SLC35F2: variants seen among roughly 807,000 people sequenced by gnomAD.
SLC35F2 encodes the protein solute carrier family 35 member F2, also known as queuine/queuosine transporter SLC35F2.
A neutral mutation model predicts 38.1 loss-of-function variants in SLC35F2; 25 were observed. That is an observed-to-expected ratio of 0.66 (90% CI 0.48 to 0.92). SLC35F2 has a LOEUF of 0.92. Ranked by LOEUF, SLC35F2 falls within the 40% of genes least tolerant of loss-of-function variation. SLC35F2 has a pLI of 0.00. For missense variants in SLC35F2, 409 were observed against 452.9 expected (o/e 0.90, Z 0.88); for synonymous variants, 173 against 181.7 (o/e 0.95, Z 0.38).
At chr11:107,820,127 A>G (rs146129149) in intron 1 of SLC35F2, among the ~76,000 whole-genome samples, 8,342 of 151,880 alleles carry the variant, frequency 0.055, 459 homozygotes, top group African/African-American at 0.14. Context: ...GTGGTGGTAC[A>G]CGCCTGTAAT....
chr11:107,802,213 G>T (rs1859318839), intron 7 of SLC35F2, among the ~76,000 whole-genome samples: 3 of 131,114 alleles, frequency 2.3e-5, no homozygotes, highest in Admixed American at 8.0e-5. Context: ...ACTCCAGCCT[G>T]GGCAACAGAG....
chr11:107,812,025 C>T lies in SLC35F2; in HGVS notation c.287-231G>A, dbSNP rs541959097. On this transcript the variant is annotated intron_variant, in intron 2 of 7. Transcript: ENST00000525815. ...CAAGCCATCCTCCCACCTCAGCCTC[C>T]TGAGTAGCTGGGACCACAGGCGTAC... Among the ~76,000 whole-genome samples the T allele has an allele frequency of 4.4e-4, 67 of 152,228 alleles. 1 individual carries two copies. In the South Asian group the frequency reaches 0.012, roughly 28 times the overall value.
intron 1 of SLC35F2, among the ~76,000 whole-genome samples, chr11:107,830,604 A>G (rs1007508683): frequency 6.7e-6 from 1 of 149,830 alleles, no homozygotes; most frequent in East Asian, 1.9e-4. Context: ...AAAAAAGAAA[A>G]GAAAAAAAAA....
rs1860342609 is a variant in SLC35F2 at position 107,858,784 on chromosome 11, C to T, written c.-17G>A. The T allele has an allele frequency of 8.0e-7, 1 of 1,251,578 alleles. No homozygotes were observed. Among genetic ancestry groups the T allele is most frequent in the African/African-American group, 1.5e-5 (1 of 64,862 alleles). The allele number at this position is 1,251,578 out of a possible 1,614,324, so 77.5% of individuals were successfully genotyped here. On this transcript the variant is annotated 5_prime_UTR_variant, in exon 1 of 8. Transcript: ENST00000525815. Reference sequence around the variant, plus strand: ...TGCCTCCATCGGCGCCCTTGCGCGTCTCCGGCGCCCAAAACCCCCGAAGTG... The same window carrying T: ...TGCCTCCATCGGCGCCCTTGCGCGTTTCCGGCGCCCAAAACCCCCGAAGTG...
At chr11:107,826,296 G>A (rs1859754342) in intron 1 of SLC35F2, among the ~76,000 whole-genome samples, 1 of 143,868 alleles carries the variant, frequency 7.0e-6, no homozygotes, top group Non-Finnish European at 1.5e-5. Context: ...TTTTTTTTGA[G>A]ATGCAGTTTT....
Position 107,792,570 on chromosome 11 carries a change from G to T in SLC35F2, c.*45C>A. ...CAAGTGTCCCCTCAGCAGGCAGCAG[G>T]CTCTGCTTTATCCTGGTGGGGGATG... On this transcript the variant is annotated 3_prime_UTR_variant, in exon 8 of 8. Transcript: ENST00000525815. 6.5e-7 allele frequency: 1 copy of T among 1,548,830 alleles called. No individual in the cohort carries two copies. Among genetic ancestry groups the T allele is most frequent in the Non-Finnish European group, 8.7e-7 (1 of 1,147,918 alleles).
chr11:107,841,760 C>T (rs1860015372), intron 1 of SLC35F2, among the ~76,000 whole-genome samples: 1 of 151,874 alleles, frequency 6.6e-6, no homozygotes, highest in East Asian at 1.9e-4. Flanking sequence ...TCAGTTGAGG[C>T]CAGAAGTTCA....
At chr11:107,845,826 A>C (rs1860096897) in intron 1 of SLC35F2, among the ~76,000 whole-genome samples, 1 of 151,734 alleles carries the variant, frequency 6.6e-6, no homozygotes, top group Non-Finnish European at 1.5e-5. Flanking sequence ...GGTGGTGTGC[A>C]CCTGTAATCC....
In SLC35F2 at chr11:107,811,675, T is replaced by A; in HGVS notation, c.406A>T (p.Ser136Cys). 6.2e-7 allele frequency: 1 copy of A among 1,610,286 alleles called. No homozygotes were observed. Among genetic ancestry groups the A allele is most frequent in the South Asian group, 1.1e-5 (1 of 90,328 alleles). The change falls in exon 3 of 8, where the codon AGT becomes TGT. Residue 136 changes from serine (S) to cysteine (C), a missense_variant. Ser to Cys is a moderately radical substitution (Grantham distance 112, BLOSUM62 -1). Coordinates refer to ENST00000525815, the MANE Select transcript of SLC35F2 (RefSeq NM_017515.5). ...VRAYQYTTLT[S>C]VQLLDCFGIP... Reference sequence around the variant, plus strand: ...AGAGGGCTCCCTCTTACCTGGACACTGGTTAGAGTTGTGTACTGGTAGGCT... The same window carrying A: ...AGAGGGCTCCCTCTTACCTGGACACAGGTTAGAGTTGTGTACTGGTAGGCT...
intron 7 of SLC35F2, among the ~76,000 whole-genome samples, chr11:107,801,549 A>T (rs1445091740): frequency 6.6e-6 from 1 of 152,152 alleles, no homozygotes; most frequent in Non-Finnish European, 1.5e-5. Flanking sequence ...TAATAGGTAT[A>T]AATGACTGGG....
At chr11:107,799,642 G>A (rs1289057622) in intron 7 of SLC35F2, among the ~76,000 whole-genome samples, 1 of 152,146 alleles carries the variant, frequency 6.6e-6, no homozygotes, top group Non-Finnish European at 1.5e-5. Context: ...CCAGGCTGGA[G>A]TGCAATGGCA....
intron 1 of SLC35F2, among the ~76,000 whole-genome samples, chr11:107,835,921 C>A (rs1859922871): frequency 2.0e-5 from 3 of 152,248 alleles, no homozygotes; most frequent in Admixed American, 6.6e-5. Context: ...ATCTGGGATT[C>A]ATGGAAAGCC....
intron 2 of SLC35F2, 97 bp downstream of exon 2, chr11:107,815,693 C>T (rs779447984): frequency 2.4e-5 from 32 of 1,339,132 alleles, no homozygotes; most frequent in Non-Finnish European, 3.1e-5. Flanking sequence ...CATAAGTCTC[C>T]AGTCACTACT....
chr11:107,842,358 AT>A (rs1277822752), intron 1 of SLC35F2, among the ~76,000 whole-genome samples: 1 of 149,624 alleles, frequency 6.7e-6, no homozygotes, highest in Admixed American at 6.7e-5. Context: ...AAAATTTTTA[AT>A]TTTTTTATTT....
At chr11:107,843,704 A>T (rs767293476) in intron 1 of SLC35F2, among the ~76,000 whole-genome samples, 231 of 151,554 alleles carry the variant, frequency 1.5e-3, no homozygotes, top group Non-Finnish European at 2.4e-3. Flanking sequence ...AAATTTTTTT[A>T]AAATTAGGTC....
intron 1 of SLC35F2, among the ~76,000 whole-genome samples, chr11:107,818,065 AAAAAAAAAAAGAAAG>A (rs1203122286): frequency 1.2e-4 from 16 of 134,076 alleles, no homozygotes; most frequent in African/African-American, 4.7e-4. Context: ...TCAAAAAAAA[AAAAAAAAAAAGAAAG>A]AAAGAAAGAA....
chr11:107,803,540 T>C, intron 6 of SLC35F2: 1 of 980,656 alleles, frequency 1.0e-6, no homozygotes. Context: ...TCATTATGTT[T>C]TCTTTGCTTT....
chr11:107,845,727 C>T (rs772958669), intron 1 of SLC35F2, among the ~76,000 whole-genome samples: 5 of 151,742 alleles, frequency 3.3e-5, no homozygotes, highest in East Asian at 3.9e-4. Context: ...CTAAGACAGG[C>T]GGATCACTTC....
intron 1 of SLC35F2, among the ~76,000 whole-genome samples, chr11:107,843,868 A>AAAAT (rs1860058583): frequency 8.5e-5 from 4 of 46,862 alleles, no homozygotes; most frequent in African/African-American, 1.8e-4. Flanking sequence ...AAAAAAAAAA[A>AAAAT]ATATATATAT....
Sources: allele counts gnomAD v4.1 joint callset (sites outside exome capture counted in the v4.1 genomes callset), GRCh38; gene constraint gnomAD v4.1.1; transcripts MANE v1.5; gene names NCBI Gene and HGNC (gene_info 2026-07-23, HGNC 2026-07-21).